FBXL17: variants seen among roughly 807,000 people sequenced by gnomAD.
FBXL17 encodes F-box/LRR-repeat protein 17.
FBXL17 carries 22 observed loss-of-function variants against 66.2 expected under a neutral mutation model. The ratio of observed to expected loss-of-function variants is 0.33; its 90% CI spans 0.24 to 0.47. The LOEUF (loss-of-function observed/expected upper bound fraction) is 0.47. Among genes scored for constraint, FBXL17 ranks in the 20% least tolerant of loss-of-function variants. FBXL17 has a pLI of 1.00. For missense variants in FBXL17, 878 were observed against 948.2 expected (o/e 0.93, Z 0.97); for synonymous variants, 474 against 400.5 (o/e 1.18, Z -2.19).
At chr5:108,314,721 A>G (rs1489788375) in intron 4 of FBXL17, among the ~76,000 whole-genome samples, 3 of 151,534 alleles carry the variant, frequency 2.0e-5, no homozygotes, top group African/African-American at 7.2e-5. Context: ...TCATTTCATT[A>G]TTTTAAAATC....
chr5:107,863,537 C>T (rs1561509345), intron 8 of FBXL17, among the ~76,000 whole-genome samples: 1 of 142,444 alleles, frequency 7.0e-6, no homozygotes, highest in Non-Finnish European at 1.6e-5. Context: ...CATAAGTATT[C>T]CAGATCATTC....
At chr5:107,899,888 C>G (rs1291193316) in intron 7 of FBXL17, among the ~76,000 whole-genome samples, 2 of 152,044 alleles carry the variant, frequency 1.3e-5, no homozygotes, top group Non-Finnish European at 2.9e-5. Flanking sequence ...ACTAAAAGCC[C>G]ATACTTCACC....
intron 6 of FBXL17, among the ~76,000 whole-genome samples, chr5:108,155,957 T>C (rs1258269114): frequency 6.6e-6 from 1 of 152,044 alleles, no homozygotes; most frequent in African/African-American, 2.4e-5. Flanking sequence ...AAAATTAGAG[T>C]ACTATAAATA....
chr5:108,320,935 TG>T (rs1421396200), intron 4 of FBXL17, among the ~76,000 whole-genome samples: 1 of 151,844 alleles, frequency 6.6e-6, no homozygotes, highest in Non-Finnish European at 1.5e-5. Context: ...AATGCCTATC[TG>T]CGAACCAAAC....
chr5:108,154,104 T>C (rs1266523731), intron 6 of FBXL17, among the ~76,000 whole-genome samples: 1 of 152,086 alleles, frequency 6.6e-6, no homozygotes, highest in Non-Finnish European at 1.5e-5. Flanking sequence ...TGGGTTACTT[T>C]ACTCAACTGT....
intron 7 of FBXL17, among the ~76,000 whole-genome samples, chr5:108,011,680 C>T (rs552984107): frequency 6.6e-5 from 10 of 152,084 alleles, no homozygotes; most frequent in East Asian, 3.9e-4. Flanking sequence ...TAAAATTAGC[C>T]GGTCATGGTG....
chr5:107,989,531 T>G (rs1753151186), intron 7 of FBXL17, among the ~76,000 whole-genome samples: 1 of 152,160 alleles, frequency 6.6e-6, no homozygotes, highest in South Asian at 2.1e-4. Flanking sequence ...CCTTCATCCA[T>G]TCATCTGTTG....
At chr5:108,137,020 T>C (rs888266285) in intron 6 of FBXL17, among the ~76,000 whole-genome samples, 1 of 152,146 alleles carries the variant, frequency 6.6e-6, no homozygotes, top group Admixed American at 6.6e-5. Flanking sequence ...ATCCAATCTT[T>C]CAAAGGGTAA....
At position 108,340,448 on chromosome 5, in the gene FBXL17, A is replaced by G. The variant is rs17161254; in HGVS notation, c.1506+7951T>C. On this transcript the variant is annotated intron_variant, in intron 4 of 8. Coordinates refer to ENST00000542267, the MANE Select transcript of FBXL17 (RefSeq NM_001163315.3). ...AATTGGATCTTTCAAATACCACTTA[A>G]ACAAAATAAAACCGATTTTATTAAC... Among the ~76,000 whole-genome samples, 6,694 of 152,134 alleles carry G rather than the reference A, an allele frequency of 0.044. 897 individuals are homozygous for G. The East Asian group carries it at 0.45, about 10-fold the overall frequency.
At chr5:108,126,720 T>G (rs1352931177) in intron 6 of FBXL17, among the ~76,000 whole-genome samples, 1 of 149,608 alleles carries the variant, frequency 6.7e-6, no homozygotes, top group East Asian at 1.9e-4. Flanking sequence ...TAAAGGCCTA[T>G]TTTCTAAAAG....
intron 4 of FBXL17, among the ~76,000 whole-genome samples, chr5:108,307,110 G>A (rs1758879271): frequency 6.6e-6 from 1 of 151,896 alleles, no homozygotes; most frequent in Non-Finnish European, 1.5e-5. Context: ...GTGTAACGCA[G>A]GACCTGTTAC....
chr5:108,327,783 A>G (rs1406762412), intron 4 of FBXL17, among the ~76,000 whole-genome samples: 1 of 152,160 alleles, frequency 6.6e-6, no homozygotes, highest in Non-Finnish European at 1.5e-5. Flanking sequence ...AGCTCTGGCA[A>G]TAATTCCAGG....
intron 6 of FBXL17, among the ~76,000 whole-genome samples, chr5:108,127,342 G>A (rs928989776): frequency 1.3e-5 from 2 of 152,172 alleles, no homozygotes; most frequent in Admixed American, 1.3e-4. Flanking sequence ...TCATTGTCCT[G>A]TTCAAAACAT....
In FBXL17 at chr5:108,043,723, A is replaced by G. The variant is rs997522634; in HGVS notation, c.1746-22722T>C. On this transcript the variant is annotated intron_variant, in intron 6 of 8. Coordinates refer to ENST00000542267, the MANE Select transcript of FBXL17 (RefSeq NM_001163315.3). ...TCTTTTGACTTTCCATGTAAGTCTT[A>G]GAATAGTCTTATCTATATCTACAAA... Among the ~76,000 whole-genome samples the G allele has an allele frequency of 9.9e-5, 15 of 152,198 alleles. 1 individual carries two copies. Among genetic ancestry groups the G allele is most frequent in the African/African-American group, 2.4e-5 (1 of 41,456 alleles).
intron 7 of FBXL17, among the ~76,000 whole-genome samples, chr5:107,882,144 T>A (rs974761384): frequency 4.6e-5 from 7 of 152,134 alleles, no homozygotes; most frequent in African/African-American, 7.2e-5. Flanking sequence ...GCCACAAATA[T>A]CAAAAAGAAA....
At chr5:108,315,831 T>C (rs1759337063) in intron 4 of FBXL17, among the ~76,000 whole-genome samples, 1 of 151,528 alleles carries the variant, frequency 6.6e-6, no homozygotes, top group African/African-American at 2.4e-5. Flanking sequence ...TAAAGACCAA[T>C]TAACATGTCA....
chr5:108,178,768 C>T (rs1325557349), intron 6 of FBXL17, among the ~76,000 whole-genome samples: 1 of 152,216 alleles, frequency 6.6e-6, no homozygotes, highest in Non-Finnish European at 1.5e-5. Flanking sequence ...CTTCAACAGT[C>T]AGCATTATTT....
intron 6 of FBXL17, among the ~76,000 whole-genome samples, chr5:108,136,130 G>C (rs1751123896): frequency 6.6e-6 from 1 of 152,090 alleles, no homozygotes; most frequent in Non-Finnish European, 1.5e-5. Context: ...TAAGTATGCT[G>C]TTTATATGTA....
chr5:107,938,557 C>T (rs7719403), intron 7 of FBXL17, among the ~76,000 whole-genome samples: 54,435 of 151,850 alleles, frequency 0.36, 10,437 homozygotes, highest in African/African-American at 0.47. Context: ...TAAATAGGTG[C>T]CTAAATGATT....
Sources: allele counts gnomAD v4.1 joint callset (sites outside exome capture counted in the v4.1 genomes callset), GRCh38; gene constraint gnomAD v4.1.1; transcripts MANE v1.5; gene names NCBI Gene and HGNC (gene_info 2026-07-23, HGNC 2026-07-21).